The following CNTNAP4 variants were observed in gnomAD, a reference collection of about 807,000 sequenced individuals.
CNTNAP4 encodes the protein contactin-associated protein-like 4.
Under a neutral mutation model 148.4 loss-of-function variants are expected in CNTNAP4, and 98 were observed. The observed-to-expected ratio is 0.66, with a 90% confidence interval of 0.56 to 0.78. The LOEUF is 0.78. Among genes scored for constraint, CNTNAP4 ranks in the 30% least tolerant of loss-of-function variants. CNTNAP4 has a pLI of 0.00. For missense variants in CNTNAP4, 1,935 were observed against 1,565.6 expected, an observed-to-expected ratio of 1.24 and a Z score of -3.98; for synonymous variants, 730 against 565.1, an observed-to-expected ratio of 1.29 and a Z score of -4.14.
intron 1 of CNTNAP4, among the ~76,000 whole-genome samples, chr16:76,282,064 T>C (rs1958709200): frequency 6.6e-6 from 1 of 151,894 alleles, no homozygotes; most frequent in Admixed American, 6.6e-5. Context: ...AATAAAATGA[T>C]AAGACATGAA....
intron 1 of CNTNAP4, among the ~76,000 whole-genome samples, chr16:76,290,402 C>T (rs1238935358): frequency 6.6e-6 from 1 of 152,102 alleles, no homozygotes; most frequent in African/African-American, 2.4e-5. Context: ...ATGCTCATTC[C>T]TTCCTCTTTT....
intron 3 of CNTNAP4, among the ~76,000 whole-genome samples, chr16:76,365,569 G>C (rs1264364575): frequency 6.6e-6 from 1 of 151,926 alleles, no homozygotes; most frequent in East Asian, 1.9e-4. Flanking sequence ...TGGCCAACAT[G>C]GTGAAATCCT....
intron 15 of CNTNAP4, among the ~76,000 whole-genome samples, chr16:76,513,049 G>C (rs562722525): frequency 7.9e-5 from 12 of 152,254 alleles, no homozygotes; most frequent in Non-Finnish European, 5.9e-5. Context: ...TGGTAAATGG[G>C]GGAGAAAGTA....
At chr16:76,463,085 A>G (rs189921603) in intron 9 of CNTNAP4, among the ~76,000 whole-genome samples, 1 of 152,358 alleles carries the variant, frequency 6.6e-6, no homozygotes, top group East Asian at 1.9e-4. Flanking sequence ...CTTAGGGCCA[A>G]CAATCTGAAA....
intron 3 of CNTNAP4, among the ~76,000 whole-genome samples, chr16:76,382,136 A>G (rs2016047895): frequency 6.8e-6 from 1 of 148,080 alleles, no homozygotes; most frequent in Admixed American, 7.1e-5. Flanking sequence ...TAGAACAGAG[A>G]CAGAAGCTAG....
intron 15 of CNTNAP4, among the ~76,000 whole-genome samples, chr16:76,515,458 G>A (rs1272744052): frequency 2.6e-5 from 4 of 152,160 alleles, no homozygotes; most frequent in South Asian, 2.1e-4. Flanking sequence ...TGACTCAGAG[G>A]AAAGACCATG....
intron 15 of CNTNAP4, among the ~76,000 whole-genome samples, chr16:76,513,776 A>G (rs1375245506): frequency 6.6e-6 from 1 of 152,150 alleles, no homozygotes; most frequent in Non-Finnish European, 1.5e-5. Flanking sequence ...GAGTTAAAAT[A>G]ATTTTTTAAA....
intron 8 of CNTNAP4, among the ~76,000 whole-genome samples, chr16:76,460,103 TTTTG>T (rs1293976098): frequency 6.6e-6 from 1 of 152,168 alleles, no homozygotes; most frequent in Non-Finnish European, 1.5e-5. Flanking sequence ...TTTTTGTTTT[TTTTG>T]TTTGTTTGTT....
chr16:76,379,464 G>C (rs1022838257), intron 3 of CNTNAP4, among the ~76,000 whole-genome samples: 4 of 152,100 alleles, frequency 2.6e-5, no homozygotes, highest in African/African-American at 7.2e-5. Context: ...GTTGATGTTA[G>C]TTTTATGTTC....
intron 3 of CNTNAP4, among the ~76,000 whole-genome samples, chr16:76,381,502 G>T (rs1157769238): frequency 6.6e-6 from 1 of 152,148 alleles, no homozygotes; most frequent in Non-Finnish European, 1.5e-5. Flanking sequence ...GAAATTTACT[G>T]TAGGATGTCT....
At chr16:76,395,687 C>T (rs921359092) in intron 3 of CNTNAP4, among the ~76,000 whole-genome samples, 2 of 151,824 alleles carry the variant, frequency 1.3e-5, no homozygotes, top group African/African-American at 2.4e-5. Context: ...TCACACAAAT[C>T]GGTAACAGTC....
chr16:76,544,966 C>G (rs1342939000), intron 21 of CNTNAP4, among the ~76,000 whole-genome samples: 1 of 152,100 alleles, frequency 6.6e-6, no homozygotes, highest in East Asian at 1.9e-4. Flanking sequence ...ATCAGAAATT[C>G]TTTATGTAAA....
Position 76,560,557 on chromosome 16 carries a change from T to C in CNTNAP4, c.*1874T>C, listed in dbSNP as rs565814059. Among the ~76,000 whole-genome samples the C allele has an allele frequency of 1.5e-3, 222 of 152,282 alleles. 3 individuals are homozygous for C. The highest frequency in any genetic ancestry group is 3.4e-3 in the Middle Eastern group (1 of 294). Reference sequence around the variant, plus strand: ...GAATCTTTTGCAGATGTTCATGTTATTTAGTAGCGGTATTAACCTCATTGG... The same window carrying C: ...GAATCTTTTGCAGATGTTCATGTTACTTAGTAGCGGTATTAACCTCATTGG... On this transcript the variant is annotated 3_prime_UTR_variant, in exon 24 of 24. Transcript: ENST00000611870.
intron 14 of CNTNAP4, among the ~76,000 whole-genome samples, chr16:76,496,798 G>T (rs1193201384): frequency 1.3e-5 from 2 of 152,274 alleles, no homozygotes; most frequent in Admixed American, 1.3e-4. Context: ...TCAAAAAAGA[G>T]TACATTTTCA....
intron 3 of CNTNAP4, among the ~76,000 whole-genome samples, chr16:76,385,806 A>G (rs1001762635): frequency 2.6e-5 from 4 of 152,102 alleles, no homozygotes; most frequent in African/African-American, 4.8e-5. Context: ...CTCATGGCCA[A>G]CAGCACTATA....
chr16:76,362,473 C>G (rs2013555210), intron 3 of CNTNAP4, among the ~76,000 whole-genome samples: 2 of 151,982 alleles, frequency 1.3e-5, no homozygotes. Context: ...CAAAACAATC[C>G]TGAGAAAGAA....
intron 1 of CNTNAP4, among the ~76,000 whole-genome samples, chr16:76,311,147 T>C (rs927551656): frequency 1.3e-5 from 2 of 152,156 alleles, no homozygotes; most frequent in African/African-American, 4.8e-5. Context: ...TGAATTACTT[T>C]TATTAAAAAC....
At chr16:76,373,974 T>C (rs766952137) in intron 3 of CNTNAP4, among the ~76,000 whole-genome samples, 2 of 151,528 alleles carry the variant, frequency 1.3e-5, no homozygotes, top group Non-Finnish European at 2.9e-5. Context: ...ATTGTGTCTA[T>C]AAATCAGAGA....
intron 18 of CNTNAP4, among the ~76,000 whole-genome samples, 192 bp downstream of exon 18, chr16:76,535,976 G>A (rs1278442988): frequency 6.6e-6 from 1 of 152,154 alleles, no homozygotes; most frequent in Non-Finnish European, 1.5e-5. Context: ...TTCAAAGATG[G>A]AGCGCATCAT....
Sources: allele counts gnomAD v4.1 joint callset (sites outside exome capture counted in the v4.1 genomes callset), GRCh38; gene constraint gnomAD v4.1.1; transcripts MANE v1.5; gene names NCBI Gene and HGNC (gene_info 2026-07-23, HGNC 2026-07-21).